Variants in QTGAL observed in about 807,000 individuals in gnomAD.
QTGAL encodes the protein queuosine-tRNA galactosyltransferase, also known as BGnT-like protein 1.
At chr17:82,969,397 C>T in the QTGAL span, among the ~76,000 whole-genome samples, 1 of 152,192 alleles carries the variant, frequency 6.6e-6, no homozygotes, top group African/African-American at 2.4e-5. Context: ...TTAGTAGGGA[C>T]AGGGTTTCGC....
chr17:82,963,167 C>T, the QTGAL span, among the ~76,000 whole-genome samples: 1 of 152,284 alleles, frequency 6.6e-6, no homozygotes, highest in African/African-American at 2.4e-5. Context: ...GATGGAGCAC[C>T]CAGAACTGCC....
the QTGAL span, among the ~76,000 whole-genome samples, chr17:83,007,825 A>C: frequency 1.3e-5 from 2 of 152,208 alleles, no homozygotes; most frequent in African/African-American, 4.8e-5. Context: ...CTGTGGCTTT[A>C]ATTAACCACG....
At chr17:83,030,772 C>A in the QTGAL span, 149 of 152,428 alleles carry the variant, frequency 9.8e-4, no homozygotes, top group Non-Finnish European at 1.8e-3. Flanking sequence ...GGCCCCAGTT[C>A]AGAGGCCTCG....
At chr17:83,042,452 T>C in the QTGAL span, among the ~76,000 whole-genome samples, 1 of 152,226 alleles carries the variant, frequency 6.6e-6, no homozygotes. Context: ...TAATGTTACA[T>C]GATTGAAGCT....
the QTGAL span, chr17:82,947,204 C>T: frequency 3.8e-6 from 2 of 520,500 alleles, no homozygotes; most frequent in African/African-American, 1.9e-5. Flanking sequence ...AGGGGAGGCC[C>T]CCCCTGCCTT....
At chr17:83,036,081 T>C in the QTGAL span, among the ~76,000 whole-genome samples, 1 of 152,144 alleles carries the variant, frequency 6.6e-6, no homozygotes, top group African/African-American at 2.4e-5. Context: ...TAACAGATAC[T>C]GTGCGGCGTA....
chr17:83,051,725 G>A, the QTGAL span: 3 of 1,487,920 alleles, frequency 2.0e-6, no homozygotes, highest in South Asian at 1.3e-5. Flanking sequence ...CACCCTCCCC[G>A]CTGGCACCTA....
chr17:83,005,974 C>T, the QTGAL span: 2 of 1,137,646 alleles, frequency 1.8e-6, no homozygotes, highest in African/African-American at 1.6e-5. The surrounding 1 kb of genome is among the most constrained non-coding windows in gnomAD (Gnocchi z 5.6). Flanking sequence ...TCAGGGCTCA[C>T]ACTCACCTTG....
chr17:82,946,962 C>T, the QTGAL span: 2 of 1,567,322 alleles, frequency 1.3e-6, no homozygotes, highest in Admixed American at 3.8e-5. Flanking sequence ...AGGTTGTCCT[C>T]AAAGGCGCCC....
the QTGAL span, chr17:83,048,656 A>T: frequency 4.3e-6 from 7 of 1,610,668 alleles, no homozygotes; most frequent in Non-Finnish European, 5.9e-6. Context: ...CCCGACAGGA[A>T]GTTCCTACAA....
chr17:83,021,767 A>G, the QTGAL span, among the ~76,000 whole-genome samples: 30 of 152,254 alleles, frequency 2.0e-4, no homozygotes, highest in African/African-American at 7.2e-4. Context: ...GACTTACTAT[A>G]AAGCTACACT....
the QTGAL span, chr17:82,943,432 CAG>C: frequency 3.3e-5 from 5 of 152,366 alleles, no homozygotes. Context: ...TGTGGCCACT[CAG>C]AGGCCCAAGG....
chr17:82,965,203 G>T, the QTGAL span, among the ~76,000 whole-genome samples: 1 of 150,702 alleles, frequency 6.6e-6, no homozygotes, highest in Non-Finnish European at 1.5e-5. Context: ...ACTCCCACGG[G>T]GGGGACGGGG....
chr17:82,997,189 C>T, the QTGAL span, among the ~76,000 whole-genome samples: 16 of 152,312 alleles, frequency 1.1e-4, 1 homozygote, highest in South Asian at 3.3e-3. Flanking sequence ...AGAGCTCAAA[C>T]AACTCTAGGA....
At chr17:83,035,149 C>G in the QTGAL span, 1 of 1,452,942 alleles carries the variant, frequency 6.9e-7, no homozygotes, top group Middle Eastern at 1.8e-4. Flanking sequence ...TTTCCAGCAG[C>G]ATTCTCTTTC....
At chr17:82,956,632 G>T in the QTGAL span, 1 of 1,465,280 alleles carries the variant, frequency 6.8e-7, no homozygotes, top group South Asian at 1.4e-5. This position sits in a 1 kb window ranked among gnomAD's most constrained non-coding sequence, Gnocchi z 5.7. Flanking sequence ...AGCAGGGCGG[G>T]TTGTCCAGGT....
the QTGAL span, chr17:82,942,469 G>A: frequency 1.2e-6 from 2 of 1,614,008 alleles, no homozygotes; most frequent in Non-Finnish European, 1.7e-6. Context: ...GCTGAAGCCA[G>A]TCCTGGAGCC....
the QTGAL span, among the ~76,000 whole-genome samples, chr17:83,010,521 C>G: frequency 6.6e-6 from 1 of 152,220 alleles, no homozygotes; most frequent in African/African-American, 2.4e-5. Context: ...AGTCACACAC[C>G]GGTCTGGGCA....
At chr17:82,997,376 A>C in the QTGAL span, among the ~76,000 whole-genome samples, 1 of 152,222 alleles carries the variant, frequency 6.6e-6, no homozygotes. Context: ...CCAAAAAATC[A>C]GTCCATAACA....
Sources: gnomAD v4.1 joint callset for allele counts (sites outside exome capture counted in the v4.1 genomes callset) on GRCh38, gnomAD v4.1.1 for gene constraint, Gnocchi (gnomAD v3.1) non-coding constraint, MANE v1.5 for transcripts, NCBI Gene and HGNC (gene_info 2026-07-23, HGNC 2026-07-21) for gene names.